Variants in SH3RF3 observed in about 807,000 individuals in gnomAD.
SH3RF3 encodes E3 ubiquitin-protein ligase SH3RF3.
Under a neutral mutation model 66.3 loss-of-function variants are expected in SH3RF3, and 29 were observed. The ratio of observed to expected loss-of-function variants is 0.44; its 90% CI spans 0.33 to 0.60. SH3RF3 has a LOEUF of 0.60. SH3RF3 is among the 20% of genes least tolerant of loss of function. The pLI is 0.04. For missense variants in SH3RF3, 1,194 were observed against 1,190.9 expected (o/e 1.00, Z -0.04); for synonymous variants, 583 against 532.0 (o/e 1.10, Z -1.32).
At chr2:109,227,888 G>A (rs1251280951) in intron 1 of SH3RF3, among the ~76,000 whole-genome samples, 1 of 152,236 alleles carries the variant, frequency 6.6e-6, no homozygotes, top group East Asian at 1.9e-4. Context: ...TGCAACTGCA[G>A]TTCCCTGTAG....
At chr2:109,369,275 G>C (rs1027650334) in intron 2 of SH3RF3, among the ~76,000 whole-genome samples, 1 of 152,164 alleles carries the variant, frequency 6.6e-6, no homozygotes, top group African/African-American at 2.4e-5. Flanking sequence ...CTTGAACCCA[G>C]GAGGTGGAGG....
chr2:109,238,449 TTGTG>T (rs56112018), intron 1 of SH3RF3, among the ~76,000 whole-genome samples: 18,966 of 142,350 alleles, frequency 0.13, 1,221 homozygotes, highest in Non-Finnish European at 0.15. Flanking sequence ...TTATGTATAT[TTGTG>T]TGTGTGTGTG....
At chr2:109,398,530 G>T in intron 3 of SH3RF3, 60 bp from the exon 4 acceptor site, 3 of 1,414,788 alleles carry the variant, frequency 2.1e-6, no homozygotes, top group Non-Finnish European at 2.9e-6. Flanking sequence ...GAGTGCAGAG[G>T]GCTGGTGTGG....
chr2:109,171,771 G>A (rs1324106748), intron 1 of SH3RF3, among the ~76,000 whole-genome samples: 1 of 152,238 alleles, frequency 6.6e-6, no homozygotes, highest in African/African-American at 2.4e-5. Context: ...GCTCCCTGCC[G>A]TGCATCCCGG....
At chr2:109,449,557 G>C in intron 8 of SH3RF3, 68 bp downstream of exon 8, 1 of 1,537,596 alleles carries the variant, frequency 6.5e-7, no homozygotes, top group South Asian at 1.3e-5. Context: ...TTTGGCACTA[G>C]ATGGCAGTGG....
intron 4 of SH3RF3, among the ~76,000 whole-genome samples, chr2:109,400,619 TACAC>T (rs577005782): frequency 3.9e-4 from 59 of 151,992 alleles, no homozygotes; most frequent in Middle Eastern, 3.4e-3. Context: ...CCCTTCCACA[TACAC>T]ACCCACACAT....
At chr2:109,229,640 G>A (rs1679449934) in intron 1 of SH3RF3, among the ~76,000 whole-genome samples, 1 of 152,110 alleles carries the variant, frequency 6.6e-6, no homozygotes. Flanking sequence ...CCCCTCCAGG[G>A]TCAGGAAGGC....
At chr2:109,187,096 A>C (rs1015346024) in intron 1 of SH3RF3, among the ~76,000 whole-genome samples, 4 of 149,782 alleles carry the variant, frequency 2.7e-5, no homozygotes, top group Non-Finnish European at 4.5e-5. Flanking sequence ...CATCATGACC[A>C]CACTCTTTGC....
intron 1 of SH3RF3, among the ~76,000 whole-genome samples, chr2:109,343,750 T>A (rs1682614917): frequency 6.6e-6 from 1 of 151,176 alleles, no homozygotes; most frequent in African/African-American, 2.4e-5. Context: ...TTTCCTTTTT[T>A]TTTTTTTTCT....
At chr2:109,199,602 TGG>T in intron 1 of SH3RF3, among the ~76,000 whole-genome samples, 3 of 340 alleles carry the variant, frequency 8.8e-3, no homozygotes, top group African/African-American at 0.016. Context: ...TGGAATGGAA[TGG>T]AATGGAATGG....
chr2:109,221,363 A>G (rs1274185848), intron 1 of SH3RF3, among the ~76,000 whole-genome samples: 1 of 152,182 alleles, frequency 6.6e-6, no homozygotes, highest in African/African-American at 2.4e-5. Flanking sequence ...CAGGCAGATC[A>G]CTTGAGCTCA....
At chr2:109,289,499 T>C (rs555923947) in intron 1 of SH3RF3, among the ~76,000 whole-genome samples, 1 of 152,166 alleles carries the variant, frequency 6.6e-6, no homozygotes, top group Non-Finnish European at 1.5e-5. Flanking sequence ...ATACGCACTC[T>C]TGGTCAGACA....
At chr2:109,159,225 C>G (rs1677425324) in intron 1 of SH3RF3, among the ~76,000 whole-genome samples, 1 of 152,230 alleles carries the variant, frequency 6.6e-6, no homozygotes, top group South Asian at 2.1e-4. Flanking sequence ...TTGAGCTTCC[C>G]CTCCCTGTGC....
At chr2:109,474,711 T>C in intron 8 of SH3RF3, among the ~76,000 whole-genome samples, 1 of 152,172 alleles carries the variant, frequency 6.6e-6, no homozygotes, top group Admixed American at 6.5e-5. Context: ...CGCAGATACT[T>C]CACCACCATC....
chr2:109,447,471 A>T (rs1267438442), intron 7 of SH3RF3, among the ~76,000 whole-genome samples: 8 of 152,216 alleles, frequency 5.3e-5, no homozygotes, highest in Admixed American at 5.2e-4. Context: ...CTCTGAAGCC[A>T]TGAATGCCAC....
chr2:109,361,092 TTTC>T (rs759696074), intron 2 of SH3RF3, among the ~76,000 whole-genome samples: 1 of 152,226 alleles, frequency 6.6e-6, no homozygotes, highest in Non-Finnish European at 1.5e-5. Context: ...GCATGTGATT[TTTC>T]TTCTTTAGCC....
chr2:109,449,866 T>G (rs1159543403), intron 8 of SH3RF3, among the ~76,000 whole-genome samples: 4 of 152,250 alleles, frequency 2.6e-5, no homozygotes, highest in Admixed American at 1.3e-4. Flanking sequence ...AATATACAAA[T>G]CTACGTGTGC....
intron 1 of SH3RF3, among the ~76,000 whole-genome samples, chr2:109,272,506 G>A (rs779924134): frequency 3.3e-5 from 5 of 152,222 alleles, no homozygotes; most frequent in Non-Finnish European, 5.9e-5. Flanking sequence ...CTAACTGTGT[G>A]CTGCACTCAC....
intron 8 of SH3RF3, among the ~76,000 whole-genome samples, chr2:109,473,728 C>T (rs1678591340): frequency 6.7e-6 from 1 of 149,316 alleles, no homozygotes; most frequent in Admixed American, 6.7e-5. Flanking sequence ...CCCACCCACC[C>T]CACCCACTCC....
Sources: gnomAD v4.1 joint callset for allele counts (sites outside exome capture counted in the v4.1 genomes callset) on GRCh38, gnomAD v4.1.1 for gene constraint, MANE v1.5 for transcripts, NCBI Gene and HGNC (gene_info 2026-07-23, HGNC 2026-07-21) for gene names.